The following ZNF804B variants were observed in gnomAD, a reference collection of about 807,000 sequenced individuals.
ZNF804B encodes the protein zinc finger 804B.
In ZNF804B, 80 loss-of-function variants were observed where a neutral mutation model predicts 101.4. The observed-to-expected ratio is 0.79, with a 90% CI of 0.66 to 0.95. The LOEUF (loss-of-function observed/expected upper bound fraction) is 0.95, where lower values mean the gene tolerates loss of function less well. Among genes scored for constraint, ZNF804B ranks in the 40% least tolerant of loss-of-function variants. The pLI is 0.00. For missense variants in ZNF804B, 1,673 were observed against 1,561.9 expected, an observed-to-expected ratio of 1.07 and a Z score of -1.20; for synonymous variants, 622 against 558.8, an observed-to-expected ratio of 1.11 and a Z score of -1.59.
At position 89,298,857 on chromosome 7, in the gene ZNF804B, C is replaced by A. The variant is rs139332280; in HGVS notation, c.250-28487C>A. On this transcript the variant is annotated intron_variant, in intron 2 of 3. Coordinates refer to ENST00000333190, the MANE Select transcript of ZNF804B (RefSeq NM_181646.5). ...TTGATCCATATTACATCCCTACCAG[C>A]TATGTGTGAAAGTTGCCAGTTCTAA... Among the ~76,000 whole-genome samples, 942 of 151,700 alleles carry A rather than the reference C, an allele frequency of 6.2e-3. 9 individuals are homozygous for A. The highest frequency in any genetic ancestry group is 6.1e-3 in the Non-Finnish European group (411 of 67,896).
At chr7:88,816,123 T>A (rs576554900) in intron 1 of ZNF804B, among the ~76,000 whole-genome samples, 1 of 151,942 alleles carries the variant, frequency 6.6e-6, no homozygotes, top group East Asian at 1.9e-4. Flanking sequence ...TGCATGAATG[T>A]CCTCATCACC....
chr7:89,073,670 C>T (rs796703508), intron 1 of ZNF804B, among the ~76,000 whole-genome samples: 76 of 152,028 alleles, frequency 5.0e-4, no homozygotes, highest in African/African-American at 1.7e-3. Flanking sequence ...TCACTAGATT[C>T]GTAATCAAAT....
chr7:89,115,471 A>G (rs1010393172), intron 1 of ZNF804B, among the ~76,000 whole-genome samples: 12 of 152,214 alleles, frequency 7.9e-5, no homozygotes, highest in African/African-American at 2.7e-4. Context: ...ATGAGATTAC[A>G]GCAGTATTGG....
chr7:88,896,865 T>G (rs556502536), intron 1 of ZNF804B, among the ~76,000 whole-genome samples: 3 of 152,206 alleles, frequency 2.0e-5, no homozygotes, highest in African/African-American at 7.2e-5. Flanking sequence ...TGAAAGGGTA[T>G]GCTTTGAGAA....
At chr7:89,261,533 A>G (rs1345029334) in intron 2 of ZNF804B, among the ~76,000 whole-genome samples, 1 of 152,166 alleles carries the variant, frequency 6.6e-6, no homozygotes, top group Non-Finnish European at 1.5e-5. Context: ...ACAGTCATGC[A>G]TCTTTTTAAA....
At chr7:88,786,685 C>G (rs1286631017) in intron 1 of ZNF804B, among the ~76,000 whole-genome samples, 1 of 151,928 alleles carries the variant, frequency 6.6e-6, no homozygotes, top group African/African-American at 2.4e-5. Flanking sequence ...CTAAAGATAG[C>G]AATACTGGAG....
At chr7:89,140,614 C>G (rs1452886330) in intron 1 of ZNF804B, among the ~76,000 whole-genome samples, 1 of 152,070 alleles carries the variant, frequency 6.6e-6, no homozygotes, top group African/African-American at 2.4e-5. Context: ...ATGAACCAAC[C>G]TCTGCTAGCT....
At position 89,102,691 on chromosome 7, in the gene ZNF804B, T is replaced by G. The variant is rs114837287; in HGVS notation, c.109-115464T>G. Among the ~76,000 whole-genome samples the G allele has an allele frequency of 5.1e-3, 778 of 151,716 alleles. 5 individuals carry two copies. The highest frequency in any genetic ancestry group is 0.015 in the African/African-American group (614 of 41,512). On this transcript the variant is annotated intron_variant, in intron 1 of 3. Transcript: ENST00000333190. ...ATGCAGAAGCTTTTTAGTTTAAATTTTATTTGTCTATTTTTGGTTTAGTTA... is the reference window on the plus strand; with the variant it reads ...ATGCAGAAGCTTTTTAGTTTAAATTGTATTTGTCTATTTTTGGTTTAGTTA...
At chr7:88,969,059 C>A (rs1318610124) in intron 1 of ZNF804B, among the ~76,000 whole-genome samples, 4 of 151,508 alleles carry the variant, frequency 2.6e-5, no homozygotes. Flanking sequence ...TCTCTAATTT[C>A]CTTTATCCAG....
chr7:89,330,305 G>C (rs1166839760), intron 3 of ZNF804B, among the ~76,000 whole-genome samples: 1 of 151,518 alleles, frequency 6.6e-6, no homozygotes, highest in Non-Finnish European at 1.5e-5. Flanking sequence ...ATCTAATGTA[G>C]AGCATGATTA....
chr7:89,039,654 T>G (rs1437505260), intron 1 of ZNF804B, among the ~76,000 whole-genome samples: 1 of 151,778 alleles, frequency 6.6e-6, no homozygotes, highest in Non-Finnish European at 1.5e-5. Flanking sequence ...CAAGTGTCTT[T>G]TTTTTTTCTT....
chr7:89,066,213 G>A (rs1469683219), intron 1 of ZNF804B, among the ~76,000 whole-genome samples: 1 of 151,300 alleles, frequency 6.6e-6, no homozygotes, highest in Non-Finnish European at 1.5e-5. Flanking sequence ...ATTGATCACA[G>A]TCACAGCGTG....
chr7:89,011,611 A>G (rs757401002), intron 1 of ZNF804B, among the ~76,000 whole-genome samples: 4 of 152,158 alleles, frequency 2.6e-5, no homozygotes, highest in Non-Finnish European at 5.9e-5. Context: ...TACAGATTCC[A>G]TGCAACTCCA....
chr7:89,085,567 T>G (rs1789785612), intron 1 of ZNF804B, among the ~76,000 whole-genome samples: 1 of 151,930 alleles, frequency 6.6e-6, no homozygotes, highest in Non-Finnish European at 1.5e-5. Context: ...CAATGATGTT[T>G]GGATATTTCA....
chr7:89,278,532 G>A (rs1340188857), intron 2 of ZNF804B, among the ~76,000 whole-genome samples: 2 of 151,902 alleles, frequency 1.3e-5, no homozygotes, highest in South Asian at 4.2e-4. Context: ...TTTGTATAAG[G>A]TGTAAGGAAG....
At chr7:89,258,700 C>G (rs937686798) in intron 2 of ZNF804B, among the ~76,000 whole-genome samples, 3 of 152,090 alleles carry the variant, frequency 2.0e-5, no homozygotes. Context: ...TTAACAATAA[C>G]ATAAACAGTT....
At chr7:88,925,767 G>T (rs1470779904) in intron 1 of ZNF804B, among the ~76,000 whole-genome samples, 1 of 152,184 alleles carries the variant, frequency 6.6e-6, no homozygotes, top group African/African-American at 2.4e-5. Flanking sequence ...AAAGGATGGT[G>T]CAGGTTAGCT....
chr7:89,260,308 C>T (rs1039279181), intron 2 of ZNF804B, among the ~76,000 whole-genome samples: 3 of 151,952 alleles, frequency 2.0e-5, no homozygotes, highest in African/African-American at 4.8e-5. Flanking sequence ...AATACTAATG[C>T]TCACTTCTCT....
At chr7:89,265,281 TGTGTGTGTGTGTGCGCGTGCGC>T (rs1441731086) in intron 2 of ZNF804B, among the ~76,000 whole-genome samples, 1 of 96,850 alleles carries the variant, frequency 1.0e-5, no homozygotes, top group Non-Finnish European at 2.1e-5. Context: ...TGTGTGTGTG[TGTGTGTGTGTGTGCGCGTGCGC>T]GCGCGCACAC....
Sources: allele counts gnomAD v4.1 joint callset (sites outside exome capture counted in the v4.1 genomes callset), GRCh38; gene constraint gnomAD v4.1.1; transcripts MANE v1.5; gene names NCBI Gene and HGNC (gene_info 2026-07-23, HGNC 2026-07-21).